Variants in LECT2 observed in about 807,000 individuals in gnomAD.
LECT2 encodes leukocyte cell derived chemotaxin 2.
LECT2 carries 11 observed loss-of-function variants against 16.6 expected under a neutral mutation model. That is an observed-to-expected ratio of 0.66 (90% confidence interval 0.42 to 1.09). The LOEUF is 1.09. Among genes scored for constraint, LECT2 ranks in the 50% least tolerant of loss-of-function variants. The pLI is 0.00. For synonymous variants in LECT2, 54 were observed against 64.8 expected, an observed-to-expected ratio of 0.83 and a Z score of 0.80; for missense variants, 173 against 184.2, an observed-to-expected ratio of 0.94 and a Z score of 0.35.
At chr5:135,952,169 T>C (rs756652799) in intron 2 of LECT2, among the ~76,000 whole-genome samples, 8 of 152,238 alleles carry the variant, frequency 5.3e-5, no homozygotes, top group Non-Finnish European at 7.3e-5. Flanking sequence ...TTCCCATATT[T>C]CCCTTCTCTT....
chr5:135,950,999 CAT>C, intron 3 of LECT2: 1 of 557,042 alleles, frequency 1.8e-6, no homozygotes, highest in Non-Finnish European at 3.2e-6. Context: ...ATGTCTGTGA[CAT>C]GTGGTTTACC....
intron 3 of LECT2, among the ~76,000 whole-genome samples, chr5:135,948,188 A>C (rs959213176): frequency 6.6e-6 from 1 of 152,242 alleles, no homozygotes; most frequent in African/African-American, 2.4e-5. Flanking sequence ...AAGGCATTGA[A>C]ACAAGACGAA....
chr5:135,953,139 A>G, intron 1 of LECT2, 172 bp from the exon 2 acceptor site: 1 of 563,366 alleles, frequency 1.8e-6, no homozygotes, highest in Non-Finnish European at 3.2e-6. Context: ...CCTGATTCAG[A>G]TGTAAAATTG....
In LECT2 at chr5:135,947,244, T is replaced by A; in HGVS notation, c.*87A>T. On this transcript the variant is annotated 3_prime_UTR_variant, in exon 4 of 4. Transcript: ENST00000274507. ...CATCCCTTCATGCATTTTTCCTTTG[T>A]GAACACAAATTTCTTGAAGAGAAGG... 3.1e-6 allele frequency: 4 copies of A among 1,302,398 alleles called. No individual in the cohort carries two copies. Among genetic ancestry groups the A allele is most frequent in the Non-Finnish European group, 4.3e-6 (4 of 925,912 alleles). The allele number at this position is 1,302,398 out of a possible 1,614,324, so 80.7% of individuals were successfully genotyped here.
At chr5:135,948,197 A>C (rs1580672140) in intron 3 of LECT2, among the ~76,000 whole-genome samples, 1 of 152,362 alleles carries the variant, frequency 6.6e-6, no homozygotes, top group Middle Eastern at 3.4e-3. Flanking sequence ...AAACAAGACG[A>C]AGATAATGTA....
At chr5:135,951,129 G>T (rs192989463) in intron 3 of LECT2, 94 bp downstream of exon 3, 3 of 1,203,408 alleles carry the variant, frequency 2.5e-6, no homozygotes, top group African/African-American at 1.5e-5. Flanking sequence ...CATTTTGAAA[G>T]AAGTACAAAA....
chr5:135,952,134 T>A (rs1308721048), intron 2 of LECT2, among the ~76,000 whole-genome samples: 1 of 152,262 alleles, frequency 6.6e-6, no homozygotes, highest in East Asian at 1.9e-4. Context: ...AAGCTGAGTC[T>A]GAATTTTGGC....
rs1466303056 is a variant in LECT2, at chr5:135,953,583, TA to T, written c.47-617del. Among the ~76,000 whole-genome samples the T allele has an allele frequency of 2.0e-5, 3 of 152,370 alleles. No homozygotes were observed. In the East Asian group the frequency reaches 5.8e-4, roughly 29 times the overall value. On this transcript the variant is annotated intron_variant, in intron 1 of 3. Transcript: ENST00000274507. ...GTAAATGGTATAAGTTGTGCTTTTC[TA>T]TTTTTCTTTGCTCATTATCTGCCAT...
chr5:135,954,815 G>C lies in LECT2; in HGVS notation c.19C>G (p.Leu7Val). 2.5e-6 allele frequency: 4 copies of C among 1,613,230 alleles called. No homozygotes were observed. Among genetic ancestry groups the C allele is most frequent in the Middle Eastern group, 1.7e-4 (1 of 6,056 alleles). ...GTAGAAATCAGACCAGCCAAAAGGA[G>C]GGCTTTGGTGGAAAACATCTGGTTT... MFSTKA[L>V]LLAGLISTAL... Residue 7 changes from leucine to valine, a missense_variant, in exon 1 of 4, where the codon CTC (leucine) becomes GTC (valine). Transcript: ENST00000274507.
chr5:135,948,103 A>G (rs1763728760), intron 3 of LECT2, among the ~76,000 whole-genome samples: 1 of 149,452 alleles, frequency 6.7e-6, no homozygotes, highest in Non-Finnish European at 1.5e-5. Context: ...TGCCAAGCAC[A>G]TGGACAAAGA....
chr5:135,949,523 G>C (rs1191581273), intron 3 of LECT2, among the ~76,000 whole-genome samples: 1 of 152,214 alleles, frequency 6.6e-6, no homozygotes, highest in African/African-American at 2.4e-5. Flanking sequence ...CCAGGAATTA[G>C]TGTCAGTTTT....
Position 135,946,909 on chromosome 5 carries a change from G to C in LECT2, c.*422C>G, listed in dbSNP as rs183507257. 3 of 151,802 alleles carry C rather than the reference G, an allele frequency of 2.0e-5. No homozygotes were observed. The highest frequency in any genetic ancestry group is 6.5e-5 in the Admixed American group (1 of 15,268). 9.4% of individuals were successfully genotyped at this position (151,802 alleles called of 1,614,324 possible). On this transcript the variant is annotated 3_prime_UTR_variant, in exon 4 of 4. Coordinates refer to ENST00000274507, the MANE Select transcript of LECT2 (RefSeq NM_002302.3). ...TGTCAAAAATGCAGCCTGGCCCAGCGTAAGTTCTCTTGTTTATTTATCTTA... is the reference window on the plus strand; with the variant it reads ...TGTCAAAAATGCAGCCTGGCCCAGCCTAAGTTCTCTTGTTTATTTATCTTA...
At chr5:135,950,816 A>G in intron 3 of LECT2, 1 of 231,510 alleles carries the variant, frequency 4.3e-6, no homozygotes, top group Non-Finnish European at 8.3e-6. Flanking sequence ...GGGCCACAGG[A>G]AGGAATGCCT....
In LECT2 at chr5:135,951,328, C is replaced by G; in HGVS notation, c.184G>C (p.Ala62Pro). 1 of 1,613,982 alleles carries G rather than the reference C, an allele frequency of 6.2e-7. No individual in the cohort carries two copies. ...AATGGTGCGTACACAGTAGATCCAGCAGAGCACAAGATGTCCACACCCTGG... is the reference window on the plus strand; with the variant it reads ...AATGGTGCGTACACAGTAGATCCAGGAGAGCACAAGATGTCCACACCCTGG... ...PHQGVDILCS[A>P]GSTVYAPFTG... Residue 62 changes from alanine (A) to proline (P), a missense_variant, in exon 3 of 4, where the codon GCT becomes CCT. Coordinates refer to ENST00000274507, the MANE Select transcript of LECT2 (RefSeq NM_002302.3).
intron 1 of LECT2, chr5:135,953,168 G>T (rs1763819202): frequency 1.8e-6 from 1 of 541,240 alleles, no homozygotes; most frequent in Non-Finnish European, 3.3e-6. Flanking sequence ...CCTGGCCACA[G>T]AATTCTGCTT....
At chr5:135,951,563 A>G (rs1483320496) in intron 2 of LECT2, 195 bp from the exon 3 acceptor site, 2 of 502,108 alleles carry the variant, frequency 4.0e-6, no homozygotes, top group African/African-American at 1.9e-5. Flanking sequence ...GCTAATAACC[A>G]TATCATAAAG....
At position 135,947,139 on chromosome 5, in the gene LECT2, G is replaced by A. The variant is rs1763713790; in HGVS notation, c.*192C>T. The A allele has an allele frequency of 1.6e-5, 8 of 485,268 alleles. No individual in the cohort carries two copies. In the South Asian group the frequency reaches 1.9e-4, roughly 12 times the overall value. The allele number at this position is 485,268 out of a possible 1,614,324, so 30.1% of individuals were successfully genotyped here. ...AAAAAATTTTTGTGGGTACATAGGT[G>A]TATTTGTTTATGAGGTACGTGAGAT... is the stretch of plus-strand genomic sequence containing the variant. On this transcript the variant is annotated 3_prime_UTR_variant, in exon 4 of 4. Coordinates refer to ENST00000274507, the MANE Select transcript of LECT2 (RefSeq NM_002302.3).
chr5:135,947,507 A>G lies in LECT2; in HGVS notation c.290-10T>C. ...ATTTTGACACAAAAACCTAAAAGAA[A>G]ATAAGTATAATTATTTATCTGGGCT... On this transcript the variant is annotated splice_polypyrimidine_tract_variant and intron_variant, in intron 3 of 3. Coordinates refer to ENST00000274507, the MANE Select transcript of LECT2 (RefSeq NM_002302.3). 6.3e-7 allele frequency: 1 copy of G among 1,590,524 alleles called. No homozygotes were observed. The highest frequency in any genetic ancestry group is 1.2e-5 in the South Asian group (1 of 86,790).
chr5:135,953,787 C>G (rs1251118222), intron 1 of LECT2, among the ~76,000 whole-genome samples: 1 of 152,152 alleles, frequency 6.6e-6, no homozygotes, highest in Non-Finnish European at 1.5e-5. Context: ...ATAAATCTCT[C>G]ATAGTTGCCA....
Sources: allele counts gnomAD v4.1 joint callset (sites outside exome capture counted in the v4.1 genomes callset), GRCh38; gene constraint gnomAD v4.1.1; transcripts MANE v1.5; gene names NCBI Gene and HGNC (gene_info 2026-07-23, HGNC 2026-07-21).